NCOA2: variants seen among roughly 807,000 people sequenced by gnomAD.
The protein encoded by NCOA2 is nuclear receptor coactivator 2.
Under a neutral mutation model 145.1 loss-of-function variants are expected in NCOA2, and 21 were observed. The observed-to-expected ratio is 0.14, with a 90% confidence interval of 0.10 to 0.21. The LOEUF is 0.21. Ranked by LOEUF, NCOA2 falls within the 10% of genes least tolerant of loss-of-function variation. NCOA2 has a pLI of 1.00. For missense variants in NCOA2, 1,472 were observed against 1,837.6 expected (o/e 0.80, Z 3.64); for synonymous variants, 619 against 637.5 (o/e 0.97, Z 0.44).
At chr8:70,300,884 T>C (rs1268717301) in intron 1 of NCOA2, among the ~76,000 whole-genome samples, 1 of 152,198 alleles carries the variant, frequency 6.6e-6, no homozygotes, top group Non-Finnish European at 1.5e-5. Context: ...TTTTTGTGTG[T>C]TACCTAATTT....
At chr8:70,401,558 T>G (rs1182212004) in intron 1 of NCOA2, among the ~76,000 whole-genome samples, 1 of 152,194 alleles carries the variant, frequency 6.6e-6, no homozygotes, top group East Asian at 1.9e-4. Context: ...ACTTTTTTTT[T>G]TAATGACATC....
At chr8:70,283,775 T>C (rs1047260743) in intron 2 of NCOA2, among the ~76,000 whole-genome samples, 6 of 152,194 alleles carry the variant, frequency 3.9e-5, no homozygotes, top group African/African-American at 1.4e-4. Flanking sequence ...AATATTTGCA[T>C]TGCACTCGCT....
chr8:70,150,115 T>C (rs1288603768), intron 11 of NCOA2, among the ~76,000 whole-genome samples: 1 of 152,246 alleles, frequency 6.6e-6, no homozygotes, highest in African/African-American at 2.4e-5. Flanking sequence ...CAGAGACAAC[T>C]AGCTTAGCAA....
chr8:70,404,997 C>G (rs1368623171), upstream of NCOA2, among the ~76,000 whole-genome samples: 1 of 152,164 alleles, frequency 6.6e-6, no homozygotes, highest in African/African-American at 2.4e-5. Flanking sequence ...TTATTGAACA[C>G]TTACTGTGAA....
At position 70,314,180 on chromosome 8, in the gene NCOA2, C is replaced by CAAAAAAAAAAAAA. The variant is rs61028027; in HGVS notation, c.-76-17393_-76-17381dup. Reference sequence around the variant, plus strand: ...GGGCGACAGAGCAAGACTCTGACTCCAAAAAAAAAAAAAAAAAAAAAAAAA... The same window carrying CAAAAAAAAAAAAA: ...GGGCGACAGAGCAAGACTCTGACTCCAAAAAAAAAAAAAAAAAAAAAAAAAAAAAAAAAAAAAA... On this transcript the variant is annotated intron_variant, in intron 1 of 22. Coordinates refer to ENST00000452400, the MANE Select transcript of NCOA2 (RefSeq NM_006540.4). Among the ~76,000 whole-genome samples, 36 of 17,202 alleles carry CAAAAAAAAAAAAA rather than the reference C, an allele frequency of 2.1e-3. 5 individuals are homozygous for CAAAAAAAAAAAAA. The highest frequency in any genetic ancestry group is 8.2e-3 in the East Asian group (2 of 244). The allele number at this position is 17,202 out of a possible 152,430, so 11.3% of individuals were successfully genotyped here.
intron 13 of NCOA2, among the ~76,000 whole-genome samples, chr8:70,142,031 T>C (rs932408895): frequency 6.6e-6 from 1 of 152,200 alleles, no homozygotes; most frequent in African/African-American, 2.4e-5. Flanking sequence ...TAGGACAGAT[T>C]TGTAAAAATC....
chr8:70,448,650 C>T, the NCOA2 span, among the ~76,000 whole-genome samples: 1 of 152,180 alleles, frequency 6.6e-6, no homozygotes, highest in African/African-American at 2.4e-5. Context: ...AGCAGACACA[C>T]ACACCACTTA....
chr8:70,274,205 G>GGAA (rs879312288), intron 2 of NCOA2, among the ~76,000 whole-genome samples: 1 of 112,146 alleles, frequency 8.9e-6, no homozygotes, highest in African/African-American at 3.0e-5. Flanking sequence ...CTCATGTTTG[G>GGAA]AAAAAAAAAA....
At chr8:70,318,001 G>T (rs779937423) in intron 1 of NCOA2, among the ~76,000 whole-genome samples, 2 of 152,146 alleles carry the variant, frequency 1.3e-5, no homozygotes, top group African/African-American at 4.8e-5. Flanking sequence ...AAAGGAAAAT[G>T]AAACACTTAA....
At chr8:70,298,087 C>A (rs1165548876) in intron 1 of NCOA2, among the ~76,000 whole-genome samples, 2 of 152,118 alleles carry the variant, frequency 1.3e-5, no homozygotes, top group Non-Finnish European at 2.9e-5. Flanking sequence ...CTAGATTTTT[C>A]TTCCTTCAAA....
chr8:70,301,421 G>C (rs1420599616), intron 1 of NCOA2, among the ~76,000 whole-genome samples: 1 of 151,882 alleles, frequency 6.6e-6, no homozygotes, highest in Admixed American at 6.6e-5. Flanking sequence ...TGGGAGGCTT[G>C]AGCAGGCATA....
intron 1 of NCOA2, among the ~76,000 whole-genome samples, chr8:70,370,721 T>A (rs943028538): frequency 6.6e-5 from 10 of 151,552 alleles, no homozygotes; most frequent in African/African-American, 2.4e-4. Flanking sequence ...AAAAAAAAAA[T>A]ACTTTTGTGA....
chr8:70,384,259 CAA>C (rs200206851), intron 1 of NCOA2, among the ~76,000 whole-genome samples: 1 of 139,190 alleles, frequency 7.2e-6, no homozygotes, highest in Non-Finnish European at 1.6e-5. Flanking sequence ...ATTCAAACTC[CAA>C]AAAAAAAAAA....
the NCOA2 span, among the ~76,000 whole-genome samples, chr8:70,450,257 G>C: frequency 1.3e-5 from 2 of 152,202 alleles, no homozygotes; most frequent in Non-Finnish European, 2.9e-5. Context: ...CAATGTGATA[G>C]TATCAGAAGG....
At chr8:70,169,263 G>A (rs995905974) in intron 6 of NCOA2, among the ~76,000 whole-genome samples, 2 of 152,132 alleles carry the variant, frequency 1.3e-5, no homozygotes, top group Non-Finnish European at 2.9e-5. Flanking sequence ...TCACGTACTC[G>A]GACGACATCT....
At chr8:70,430,589 C>T in the NCOA2 span, among the ~76,000 whole-genome samples, 2 of 152,214 alleles carry the variant, frequency 1.3e-5, no homozygotes, top group Admixed American at 6.5e-5. Context: ...CTTTCTTTGG[C>T]TCAACCACTG....
chr8:70,259,727 A>G (rs1183450802), intron 2 of NCOA2, among the ~76,000 whole-genome samples: 1 of 152,212 alleles, frequency 6.6e-6, no homozygotes, highest in Non-Finnish European at 1.5e-5. Context: ...TTGAAAAAAT[A>G]TTATCAAAGC....
intron 7 of NCOA2, among the ~76,000 whole-genome samples, chr8:70,164,122 G>A (rs969942386): frequency 1.3e-5 from 2 of 152,102 alleles, no homozygotes; most frequent in South Asian, 2.1e-4. Context: ...TTCAGAGAAC[G>A]ACTCCCACAA....
chr8:70,397,399 G>A (rs1813770466), intron 1 of NCOA2, among the ~76,000 whole-genome samples: 1 of 150,676 alleles, frequency 6.6e-6, no homozygotes, highest in Non-Finnish European at 1.5e-5. Flanking sequence ...GTTGCAGTGA[G>A]CTGAGATCAC....
Sources: gnomAD v4.1 joint callset for allele counts (sites outside exome capture counted in the v4.1 genomes callset) on GRCh38, gnomAD v4.1.1 for gene constraint, MANE v1.5 for transcripts, NCBI Gene and HGNC (gene_info 2026-07-23, HGNC 2026-07-21) for gene names.